Variants in PTPRA observed in about 807,000 individuals in gnomAD.
PTPRA encodes receptor-type tyrosine-protein phosphatase alpha.
A neutral mutation model predicts 104.8 loss-of-function variants in PTPRA; 25 were observed. The observed-to-expected ratio is 0.24, with a 90% CI of 0.17 to 0.33. The LOEUF is 0.33. Among genes scored for constraint, PTPRA ranks in the 10% least tolerant of loss-of-function variants. The pLI is 1.00. For missense variants in PTPRA, 765 were observed against 1,015.3 expected, an observed-to-expected ratio of 0.75 and a Z score of 3.35; for synonymous variants, 323 against 368.9, an observed-to-expected ratio of 0.88 and a Z score of 1.43.
At chr20:3,028,413 G>A (rs1158571327) in intron 20 of PTPRA, among the ~76,000 whole-genome samples, 1 of 152,182 alleles carries the variant, frequency 6.6e-6, no homozygotes, top group Non-Finnish European at 1.5e-5. Context: ...AAGCAGAGCT[G>A]TCCGGAAACT....
chr20:3,021,279 G>A, intron 13 of PTPRA, 30 bp from the exon 14 acceptor site: 1 of 1,613,248 alleles, frequency 6.2e-7, no homozygotes, highest in South Asian at 1.1e-5. Flanking sequence ...GAGGTCTAAG[G>A]TCAGGGAATG....
intron 2 of PTPRA, among the ~76,000 whole-genome samples, chr20:2,944,130 T>C (rs1466565655): frequency 6.8e-6 from 1 of 147,268 alleles, no homozygotes; most frequent in African/African-American, 2.5e-5. Context: ...AACCTCCGCC[T>C]CCCAGGCTCA....
At chr20:2,991,569 G>A (rs1353914744) in intron 9 of PTPRA, among the ~76,000 whole-genome samples, 1 of 152,066 alleles carries the variant, frequency 6.6e-6, no homozygotes, top group Admixed American at 6.6e-5. Context: ...ATTTACATAA[G>A]CATGAAACGA....
At chr20:2,915,155 C>G (rs909783041) in intron 1 of PTPRA, among the ~76,000 whole-genome samples, 1 of 151,862 alleles carries the variant, frequency 6.6e-6, no homozygotes, top group Admixed American at 6.6e-5. Context: ...CATAGGCCAT[C>G]ATAGCATGCT....
intron 3 of PTPRA, among the ~76,000 whole-genome samples, chr20:2,951,185 C>T (rs755469476): frequency 6.6e-6 from 1 of 152,070 alleles, no homozygotes; most frequent in Non-Finnish European, 1.5e-5. Context: ...CTGCCAGCTC[C>T]GACTCCGGGG....
In PTPRA at chr20:3,027,617, A is replaced by T; in HGVS notation, c.1786-90A>T. ...GCATGGGCTGAGTTTGCCTCCGAGCAGTCCCCATTCCCTTCTAGTGGTCTG... is the reference window on the plus strand; with the variant it reads ...GCATGGGCTGAGTTTGCCTCCGAGCTGTCCCCATTCCCTTCTAGTGGTCTG... On this transcript the variant is annotated intron_variant, in intron 19 of 23. Transcript: ENST00000399903. 5 of 1,498,776 alleles carry T rather than the reference A, an allele frequency of 3.3e-6. 1 individual carries two copies. Among genetic ancestry groups the T allele is most frequent in the Non-Finnish European group, 4.5e-6 (5 of 1,106,760 alleles). The allele number at this position is 1,498,776 out of a possible 1,614,324, so 92.8% of individuals were successfully genotyped here.
intron 3 of PTPRA, among the ~76,000 whole-genome samples, chr20:2,953,187 A>G (rs1417878295): frequency 1.3e-5 from 2 of 152,016 alleles, no homozygotes; most frequent in African/African-American, 2.4e-5. Flanking sequence ...CAGGGTTCCA[A>G]TTTGTTAACA....
intron 3 of PTPRA, among the ~76,000 whole-genome samples, chr20:2,953,634 A>G (rs2061429740): frequency 6.7e-6 from 1 of 149,254 alleles, no homozygotes; most frequent in Non-Finnish European, 1.5e-5. Context: ...TTGAGACAGA[A>G]TCTTGCTGTG....
chr20:2,883,006 G>T, intron 1 of PTPRA, among the ~76,000 whole-genome samples: 2 of 139,392 alleles, frequency 1.4e-5, no homozygotes, highest in South Asian at 2.3e-4. Flanking sequence ...TTTGAGACAG[G>T]TTCTCACTCT....
At chr20:2,913,677 C>T (rs547478843) in intron 1 of PTPRA, among the ~76,000 whole-genome samples, 1 of 150,994 alleles carries the variant, frequency 6.6e-6, no homozygotes, top group South Asian at 2.1e-4. Context: ...TTATTTTATC[C>T]ATCCAGGTAC....
rs1262473555 is a variant in PTPRA, at chr20:3,003,998, T to C, written c.739-1058T>C. ...TTATTTCCTTATGTGGCAGATGTTG[T>C]TGTTCCAATTTTATGTATTTATTTA... On this transcript the variant is annotated intron_variant, in intron 9 of 23. Coordinates refer to ENST00000399903, the MANE Select transcript of PTPRA (RefSeq NM_001385305.1). Among the ~76,000 whole-genome samples, 3 of 152,214 alleles carry C rather than the reference T, an allele frequency of 2.0e-5. No homozygotes were observed. The East Asian group carries it at 5.8e-4, about 29-fold the overall frequency.
chr20:3,019,531 A>G (rs1360445325), intron 13 of PTPRA, among the ~76,000 whole-genome samples: 1 of 146,970 alleles, frequency 6.8e-6, no homozygotes, highest in Non-Finnish European at 1.5e-5. Flanking sequence ...CCGGGCAGAG[A>G]CGCTCCTCAC....
chr20:3,005,434 C>T (rs1387021728), intron 10 of PTPRA, among the ~76,000 whole-genome samples: 1 of 152,058 alleles, frequency 6.6e-6, no homozygotes, highest in Non-Finnish European at 1.5e-5. Flanking sequence ...TCTGTCGTCC[C>T]AGCTACTCAG....
chr20:2,864,287 G>C, the PTPRA span: 1 of 1,614,178 alleles, frequency 6.2e-7, no homozygotes, highest in Non-Finnish European at 8.5e-7. The surrounding 1 kb of genome is among the most constrained non-coding windows in gnomAD (Gnocchi z 5.2). Flanking sequence ...CACTGACCTG[G>C]GTGAGGGCAA....
chr20:3,000,971 A>T (rs192066871), intron 9 of PTPRA, among the ~76,000 whole-genome samples: 4 of 152,344 alleles, frequency 2.6e-5, no homozygotes, highest in Non-Finnish European at 5.9e-5. Flanking sequence ...GATACTTTTT[A>T]AAAAATAAAT....
intron 11 of PTPRA, 111 bp downstream of exon 11, chr20:3,007,531 T>A: frequency 8.1e-7 from 1 of 1,230,968 alleles, no homozygotes; most frequent in Non-Finnish European, 1.1e-6. Flanking sequence ...ATGTTTTCCC[T>A]GACAAGTCTG....
chr20:2,948,459 C>T (rs1490570594), intron 3 of PTPRA, among the ~76,000 whole-genome samples: 1 of 152,206 alleles, frequency 6.6e-6, no homozygotes, highest in Non-Finnish European at 1.5e-5. Context: ...AGTACTCAAC[C>T]TCGTTGCTTA....
chr20:2,947,563 T>G (rs530748977), intron 2 of PTPRA, among the ~76,000 whole-genome samples: 1 of 152,228 alleles, frequency 6.6e-6, no homozygotes, highest in South Asian at 2.1e-4. Flanking sequence ...TTTCATGAGT[T>G]TTCTAGGCTT....
rs2064916294 is a variant in PTPRA, at chr20:3,022,295, G to A, written c.1328+75G>A. On this transcript the variant is annotated intron_variant, in intron 15 of 23. Coordinates refer to ENST00000399903, the MANE Select transcript of PTPRA (RefSeq NM_001385305.1). The surrounding 1 kb of genome is among the most constrained non-coding windows in gnomAD (Gnocchi z 4.6). ...GGCCAGAGCAGGGGAACAGCACAAG[G>A]GCCCTGGCTGAGGAGGCTGGCACAG... 6.5e-7 allele frequency: 1 copy of A among 1,542,308 alleles called. No homozygotes were observed. The highest frequency in any genetic ancestry group is 2.3e-5 in the East Asian group (1 of 44,424).
Sources: allele counts gnomAD v4.1 joint callset (sites outside exome capture counted in the v4.1 genomes callset), GRCh38; gene constraint gnomAD v4.1.1; non-coding constraint Gnocchi (gnomAD v3.1); transcripts MANE v1.5; gene names NCBI Gene and HGNC (gene_info 2026-07-23, HGNC 2026-07-21).